The following COL22A1 variants were observed in gnomAD, a reference collection of about 807,000 sequenced individuals.
COL22A1 encodes collagen alpha-1(XXII) chain.
Under a neutral mutation model 248.9 loss-of-function variants are expected in COL22A1, and 221 were observed. The ratio of observed to expected loss-of-function variants is 0.89; its 90% CI spans 0.80 to 0.99. COL22A1 has a LOEUF of 0.99. Among genes scored for constraint, COL22A1 ranks in the 50% least tolerant of loss-of-function variants. The pLI is 0.00. For synonymous variants in COL22A1, 891 were observed against 793.4 expected (o/e 1.12, Z -2.07); for missense variants, 2,240 against 2,179.0 (o/e 1.03, Z -0.56).
intron 53 of COL22A1, among the ~76,000 whole-genome samples, chr8:138,618,146 T>A (rs745818710): frequency 1.3e-5 from 2 of 152,162 alleles, no homozygotes; most frequent in Non-Finnish European, 2.9e-5. Context: ...ACGACCACTC[T>A]GCAAGAATGG....
intron 30 of COL22A1, among the ~76,000 whole-genome samples, chr8:138,706,206 C>T (rs1399807124): frequency 1.3e-5 from 2 of 152,198 alleles, no homozygotes; most frequent in East Asian, 3.8e-4. Flanking sequence ...TAACACCCCA[C>T]TGTCAACATT....
rs1334025090 is a variant in COL22A1 at position 138,778,348 on chromosome 8, C to G, written c.1758+5G>C. On this transcript the variant is annotated splice_donor_5th_base_variant and intron_variant, in intron 15 of 64. Transcript: ENST00000303045. ...ACCCCTGCCCAGACAAGTGCCTTCACTTACAGGAGCTCCGACACGTCCAGG... is the reference window on the plus strand; with the variant it reads ...ACCCCTGCCCAGACAAGTGCCTTCAGTTACAGGAGCTCCGACACGTCCAGG... 1 of 1,614,000 alleles carries G rather than the reference C, an allele frequency of 6.2e-7. No homozygotes were observed. Among genetic ancestry groups the G allele is most frequent in the Non-Finnish European group, 8.5e-7 (1 of 1,179,954 alleles).
At chr8:138,591,203 C>T (rs1281084479) in intron 64 of COL22A1, among the ~76,000 whole-genome samples, 1 of 152,160 alleles carries the variant, frequency 6.6e-6, no homozygotes, top group Non-Finnish European at 1.5e-5. Flanking sequence ...GGATACACTT[C>T]AACAATTCAT....
In COL22A1 at chr8:138,725,417, G is replaced by A. The variant is rs752054228; in HGVS notation, c.2163C>T (p.Val721=). ...AACCTCCCGGTCCAGGGGGGCCTGGGACACCAGGGGGTCCTGGAGGGCCCT... is the reference window on the plus strand; with the variant it reads ...AACCTCCCGGTCCAGGGGGGCCTGGAACACCAGGGGGTCCTGGAGGGCCCT... The part of the protein sequence containing the change: ...GLQGPPGPPG[V]PGPPGPGGSP... The change falls in exon 24 of 65, where the codon GTC becomes GTT. Residue 721 remains valine (V), a synonymous_variant. Coordinates refer to ENST00000303045, the MANE Select transcript of COL22A1 (RefSeq NM_152888.3). 9 of 1,614,058 alleles carry A rather than the reference G, an allele frequency of 5.6e-6. No individual in the cohort carries two copies. In the East Asian group the frequency reaches 2.0e-4, roughly 36 times the overall value.
At chr8:138,598,438 C>T (rs558949327) in intron 61 of COL22A1, among the ~76,000 whole-genome samples, 79 of 152,308 alleles carry the variant, frequency 5.2e-4, no homozygotes, top group Non-Finnish European at 9.3e-4. Context: ...TTCATTACCA[C>T]GAGGAAGAGG....
chr8:138,815,562 G>A (rs1451732799), intron 7 of COL22A1, among the ~76,000 whole-genome samples: 1 of 152,092 alleles, frequency 6.6e-6, no homozygotes, highest in Admixed American at 6.5e-5. Flanking sequence ...CCACACACAG[G>A]CCCTCCCTGT....
intron 34 of COL22A1, 77 bp from the exon 35 acceptor site, chr8:138,693,776 G>C (rs977418494): frequency 6.9e-7 from 1 of 1,441,832 alleles, no homozygotes; most frequent in Non-Finnish European, 9.5e-7. Context: ...GGGAGGTCTC[G>C]GGAATACCGT....
intron 12 of COL22A1, among the ~76,000 whole-genome samples, chr8:138,782,715 A>C (rs1815126202): frequency 6.6e-6 from 1 of 152,210 alleles, no homozygotes; most frequent in Non-Finnish European, 1.5e-5. Flanking sequence ...GGATGGCTGC[A>C]AGGTGAGGCA....
intron 53 of COL22A1, among the ~76,000 whole-genome samples, chr8:138,618,568 A>T (rs1202560485): frequency 6.6e-6 from 1 of 152,182 alleles, no homozygotes; most frequent in Non-Finnish European, 1.5e-5. Flanking sequence ...TGGTGCAATC[A>T]TGTGAAAAAC....
chr8:138,766,541 T>C (rs1833925692), intron 16 of COL22A1, among the ~76,000 whole-genome samples: 1 of 149,654 alleles, frequency 6.7e-6, no homozygotes, highest in Non-Finnish European at 1.5e-5. Flanking sequence ...GACAAAGAGA[T>C]GTGAGAGACG....
Position 138,684,479 on chromosome 8 carries a change from T to C in COL22A1, c.2968-10A>G. 1 of 1,602,048 alleles carries C rather than the reference T, an allele frequency of 6.2e-7. No individual in the cohort carries two copies. Among genetic ancestry groups the C allele is most frequent in the South Asian group, 1.1e-5 (1 of 90,830 alleles). ...GTGATCCACGGAGTCCCTGGAGAAA[T>C]AAATAATACAAGGACAATCATGGAG... On this transcript the variant is annotated splice_polypyrimidine_tract_variant and intron_variant, in intron 38 of 64. Transcript: ENST00000303045.
intron 3 of COL22A1, among the ~76,000 whole-genome samples, chr8:138,859,027 C>G (rs2131945712): frequency 6.6e-6 from 1 of 152,350 alleles, no homozygotes; most frequent in Admixed American, 6.5e-5. Context: ...CATCTCCCTT[C>G]TCGGTCCCCA....
chr8:138,787,685 C>T (rs1203679374), intron 12 of COL22A1, among the ~76,000 whole-genome samples: 1 of 152,174 alleles, frequency 6.6e-6, no homozygotes, highest in East Asian at 1.9e-4. Flanking sequence ...AGAAGAGGGG[C>T]TTCCCTGTGT....
chr8:138,738,756 G>T (rs971899958), intron 22 of COL22A1, among the ~76,000 whole-genome samples: 53 of 152,154 alleles, frequency 3.5e-4, no homozygotes, highest in African/African-American at 1.2e-3. Flanking sequence ...AATTAAAAGG[G>T]ATGCTTTCTA....
rs201025637 is a variant in COL22A1 at position 138,643,655 on chromosome 8, T to C, written c.3501+2974A>G. ...ATAGATAGATAGATAGATAGACAGA[T>C]AGATAGATAGACAGATAGATTGCAT... On this transcript the variant is annotated intron_variant, in intron 47 of 64. Coordinates refer to ENST00000303045, the MANE Select transcript of COL22A1 (RefSeq NM_152888.3). Among the ~76,000 whole-genome samples the C allele has an allele frequency of 2.0e-3, 219 of 109,704 alleles. 2 individuals are homozygous for C. The highest frequency in any genetic ancestry group is 5.4e-3 in the African/African-American group (182 of 33,452). 72.0% of individuals were successfully genotyped at this position (109,704 alleles called of 152,430 possible). A position where few individuals can be genotyped will look rare whatever the true frequency, so the allele number is the denominator to read the frequency against.
At position 138,821,081 on chromosome 8, in the gene COL22A1, A is replaced by C. The variant is rs572631259; in HGVS notation, c.1245+55T>G. 4 of 1,586,670 alleles carry C rather than the reference A, an allele frequency of 2.5e-6. No individual in the cohort carries two copies. In the East Asian group the frequency reaches 9.0e-5, roughly 36 times the overall value. On this transcript the variant is annotated intron_variant, in intron 7 of 64. Transcript: ENST00000303045. ...GAACACTGAGGGCACTTAGCTCCCA[A>C]GGCTTCTCCCCGGTGGCCTGGAACC...
At chr8:138,723,497 T>C (rs1465626016) in intron 25 of COL22A1, among the ~76,000 whole-genome samples, 1 of 152,206 alleles carries the variant, frequency 6.6e-6, no homozygotes, top group Non-Finnish European at 1.5e-5. Context: ...CACAGTGTCT[T>C]TCTTCCTCTA....
intron 11 of COL22A1, among the ~76,000 whole-genome samples, chr8:138,799,700 G>A (rs193213399): frequency 2.6e-5 from 4 of 152,042 alleles, no homozygotes; most frequent in African/African-American, 9.7e-5. Flanking sequence ...CAGCTCTTAG[G>A]TTCCATTACT....
At chr8:138,869,693 G>A (rs370867062) in intron 3 of COL22A1, among the ~76,000 whole-genome samples, 33 of 152,220 alleles carry the variant, frequency 2.2e-4, no homozygotes, top group African/African-American at 6.7e-4. Context: ...ATTCAATTAC[G>A]ATTTCTATTT....
Sources: gnomAD v4.1 joint callset for allele counts (sites outside exome capture counted in the v4.1 genomes callset) on GRCh38, gnomAD v4.1.1 for gene constraint, MANE v1.5 for transcripts, NCBI Gene and HGNC (gene_info 2026-07-23, HGNC 2026-07-21) for gene names.